The following B3GALT1 variants were observed in gnomAD, a reference collection of about 807,000 sequenced individuals.
B3GALT1 encodes beta-1,3-galactosyltransferase 1, also known as UDP-Gal:betaGlcNAc beta 1,3-galactosyltransferase, polypeptide 1.
B3GALT1 carries 10 observed loss-of-function variants against 23.2 expected under a neutral mutation model. The ratio of observed to expected loss-of-function variants is 0.43; its 90% CI spans 0.27 to 0.73. The LOEUF is 0.73. Among genes scored for constraint, B3GALT1 ranks in the 30% least tolerant of loss-of-function variants. B3GALT1 has a pLI of 0.21. For missense variants in B3GALT1, 299 were observed against 405.4 expected (o/e 0.74, Z 2.25); for synonymous variants, 156 against 141.5 (o/e 1.10, Z -0.73).
At chr2:167,854,107 C>T (rs1689955839) in intron 4 of B3GALT1, among the ~76,000 whole-genome samples, 1 of 152,114 alleles carries the variant, frequency 6.6e-6, no homozygotes, top group Non-Finnish European at 1.5e-5. Context: ...TTCTCTTGGA[C>T]AATGCCAAAA....
intron 1 of B3GALT1, among the ~76,000 whole-genome samples, chr2:167,357,435 C>T (rs897257849): frequency 7.3e-5 from 11 of 151,586 alleles, no homozygotes; most frequent in Non-Finnish European, 1.5e-4. Flanking sequence ...CCAAAAATGC[C>T]GACATATAAT....
At chr2:167,362,060 C>T (rs930337013) in intron 1 of B3GALT1, among the ~76,000 whole-genome samples, 10 of 151,942 alleles carry the variant, frequency 6.6e-5, no homozygotes, top group African/African-American at 1.7e-4. Context: ...GGTGACAGAC[C>T]GAGACTCCAT....
intron 2 of B3GALT1, among the ~76,000 whole-genome samples, chr2:167,579,301 A>C (rs1684438877): frequency 6.6e-6 from 1 of 151,974 alleles, no homozygotes; most frequent in African/African-American, 2.4e-5. Context: ...TCTTGCCCTC[A>C]ACTATTACTA....
At chr2:167,526,581 T>C (rs1455093587) in intron 2 of B3GALT1, among the ~76,000 whole-genome samples, 1 of 152,200 alleles carries the variant, frequency 6.6e-6, no homozygotes, top group Non-Finnish European at 1.5e-5. Flanking sequence ...TGTGTAGTGT[T>C]ATGTCATTGT....
intron 1 of B3GALT1, among the ~76,000 whole-genome samples, chr2:167,395,365 CAGG>C (rs1698078362): frequency 6.6e-6 from 1 of 151,918 alleles, no homozygotes; most frequent in African/African-American, 2.4e-5. Context: ...CAAAGAGGCA[CAGG>C]AGGAGTCAGA....
At chr2:167,638,995 A>G (rs937819817) in intron 2 of B3GALT1, among the ~76,000 whole-genome samples, 8 of 152,018 alleles carry the variant, frequency 5.3e-5, no homozygotes, top group African/African-American at 1.9e-4. Context: ...TGGCCTGCCT[A>G]TGATGAGAGC....
At chr2:167,562,649 C>CTT (rs60455696) in intron 2 of B3GALT1, among the ~76,000 whole-genome samples, 6,568 of 138,878 alleles carry the variant, frequency 0.047, 485 homozygotes, top group African/African-American at 0.16. Flanking sequence ...CACAAGCATT[C>CTT]TTTTTTTTTT....
chr2:167,685,564 A>C (rs1686604877), intron 3 of B3GALT1, among the ~76,000 whole-genome samples: 1 of 152,190 alleles, frequency 6.6e-6, no homozygotes, highest in South Asian at 2.1e-4. Context: ...GCAGATGCAG[A>C]GGCCCTGAGG....
intron 2 of B3GALT1, among the ~76,000 whole-genome samples, chr2:167,616,377 G>A (rs948927626): frequency 4.6e-5 from 7 of 152,096 alleles, no homozygotes; most frequent in Middle Eastern, 3.4e-3. Flanking sequence ...GTATGCGTGC[G>A]TGCACATCTG....
chr2:167,669,411 T>G (rs1471858454), intron 3 of B3GALT1, among the ~76,000 whole-genome samples: 2 of 152,172 alleles, frequency 1.3e-5, no homozygotes, highest in Non-Finnish European at 1.5e-5. Context: ...ATGGTCTGGT[T>G]TTTTTCTCTG....
intron 2 of B3GALT1, among the ~76,000 whole-genome samples, chr2:167,633,622 A>AC (rs1558931432): frequency 6.6e-6 from 1 of 152,094 alleles, no homozygotes; most frequent in Non-Finnish European, 1.5e-5. Context: ...GATCAATTCA[A>AC]CAAGAAGAGC....
intron 4 of B3GALT1, among the ~76,000 whole-genome samples, chr2:167,867,710 T>TA (rs1357499717): frequency 2.0e-5 from 3 of 152,248 alleles, no homozygotes; most frequent in Non-Finnish European, 4.4e-5. Flanking sequence ...TTAAAATTGA[T>TA]ACCTATTCTC....
chr2:167,699,378 C>CTTTTTTTTTTTTTTTTTTTTTT (rs1285786645), intron 3 of B3GALT1, among the ~76,000 whole-genome samples: 1 of 78,660 alleles, frequency 1.3e-5, no homozygotes, highest in Non-Finnish European at 2.5e-5. Context: ...GCCATTATTT[C>CTTTTTTTTTTTTTTTTTTTTTT]TATTTTTTTT....
chr2:167,659,584 G>T (rs1256426792), intron 3 of B3GALT1, among the ~76,000 whole-genome samples: 1 of 152,048 alleles, frequency 6.6e-6, no homozygotes, highest in South Asian at 2.1e-4. Context: ...GTGGTTTGTG[G>T]ACAGTAGATG....
At chr2:167,759,646 T>A (rs1687870536) in intron 3 of B3GALT1, among the ~76,000 whole-genome samples, 1 of 152,188 alleles carries the variant, frequency 6.6e-6, no homozygotes, top group Non-Finnish European at 1.5e-5. Flanking sequence ...GCAGGATTGA[T>A]GATGAAACTA....
chr2:167,471,823 T>C (rs1193273041), intron 1 of B3GALT1, among the ~76,000 whole-genome samples: 2 of 152,156 alleles, frequency 1.3e-5, no homozygotes, highest in Non-Finnish European at 2.9e-5. Context: ...ACCATAATAC[T>C]ATGGCTGGGC....
intron 1 of B3GALT1, among the ~76,000 whole-genome samples, chr2:167,296,907 A>C (rs1696360560): frequency 6.6e-6 from 1 of 152,166 alleles, no homozygotes; most frequent in African/African-American, 2.4e-5. Flanking sequence ...TCTAAGATCT[A>C]GATCTCATGG....
intron 1 of B3GALT1, among the ~76,000 whole-genome samples, chr2:167,359,267 G>T (rs1697463209): frequency 6.6e-6 from 1 of 152,092 alleles, no homozygotes; most frequent in African/African-American, 2.4e-5. Context: ...CTGCATAACA[G>T]ATTTTAGAAT....
intron 3 of B3GALT1, among the ~76,000 whole-genome samples, chr2:167,808,872 A>C (rs146420486): frequency 0.026 from 3,955 of 152,268 alleles, 187 homozygotes; most frequent in African/African-American, 0.091. Flanking sequence ...AATATCCTGC[A>C]GCGTGTTTTC....
Sources: gnomAD v4.1 joint callset for allele counts (sites outside exome capture counted in the v4.1 genomes callset) on GRCh38, gnomAD v4.1.1 for gene constraint, MANE v1.5 for transcripts, NCBI Gene and HGNC (gene_info 2026-07-23, HGNC 2026-07-21) for gene names.